DMXL1: variants seen among roughly 807,000 people sequenced by gnomAD.
DMXL1 encodes the protein Dmx like 1.
Under a neutral mutation model 319.2 loss-of-function variants are expected in DMXL1, and 99 were observed. The observed-to-expected ratio is 0.31, with a 90% CI of 0.26 to 0.37. DMXL1 has a LOEUF of 0.37. DMXL1 is among the 10% of genes least tolerant of loss of function. DMXL1 has a pLI of 1.00. For missense variants in DMXL1, 3,745 were observed against 3,595.6 expected, an observed-to-expected ratio of 1.04 and a Z score of -1.06; for synonymous variants, 1,385 against 1,235.2, an observed-to-expected ratio of 1.12 and a Z score of -2.54.
chr5:119,120,382 T>G (rs1761784145), intron 8 of DMXL1, among the ~76,000 whole-genome samples: 1 of 152,260 alleles, frequency 6.6e-6, no homozygotes, highest in African/African-American at 2.4e-5. Flanking sequence ...ACCAGGAATC[T>G]GAAGACTTGT....
chr5:119,079,852 G>C (rs1381255420), intron 1 of DMXL1, among the ~76,000 whole-genome samples: 2 of 152,084 alleles, frequency 1.3e-5, no homozygotes, highest in Admixed American at 6.5e-5. Context: ...CACCCTCTTA[G>C]TCATTCTCAG....
chr5:119,155,164 AAC>A (rs1340754265), intron 19 of DMXL1, among the ~76,000 whole-genome samples: 1 of 152,234 alleles, frequency 6.6e-6, no homozygotes, highest in Non-Finnish European at 1.5e-5. Flanking sequence ...TATGCCTGCT[AAC>A]ACAACATTCA....
At chr5:119,176,129 G>A (rs192181563) in intron 26 of DMXL1, among the ~76,000 whole-genome samples, 2 of 152,078 alleles carry the variant, frequency 1.3e-5, no homozygotes, top group Admixed American at 6.5e-5. Context: ...TATTTAGCAA[G>A]AATTTATATT....
intron 1 of DMXL1, among the ~76,000 whole-genome samples, chr5:119,086,155 G>C (rs1348636313): frequency 2.0e-5 from 3 of 152,196 alleles, no homozygotes; most frequent in African/African-American, 7.2e-5. Context: ...TGGCAAGAGA[G>C]AGAATGAGAG....
rs1773514060 is a variant in DMXL1 at position 119,166,733 on chromosome 5, T to G, written c.5088T>G (p.His1696Gln). The G allele has an allele frequency of 6.2e-7, 1 of 1,612,576 alleles. No individual in the cohort carries two copies. Among genetic ancestry groups the G allele is most frequent in the Admixed American group, 1.7e-5 (1 of 59,738 alleles). Residue 1696 changes from histidine (H) to glutamine (Q), a missense_variant, in exon 22 of 44, where the codon CAT becomes CAG. This residue lies in a region of DMXL1 where 1,382 missense variants were observed against 1,269.5 expected (regional missense o/e 1.09). Transcript: ENST00000539542. ...FSLLGKQRFE[H>Q]SAAFFLLAGC... The stretch of plus-strand genomic sequence containing the variant: ...TGCTAGGCAAACAAAGATTTGAACA[T>G]TCTGCAGCATTTTTTCTTTTAGCTG...
chr5:119,143,452 A>G (rs776293593), intron 13 of DMXL1, among the ~76,000 whole-genome samples: 3 of 152,050 alleles, frequency 2.0e-5, no homozygotes, highest in Non-Finnish European at 2.9e-5. Context: ...TGAATGGCTC[A>G]AGAGATCAGC....
chr5:119,233,403 C>A lies in DMXL1; in HGVS notation c.8402C>A (p.Thr2801Asn). ...GAATGGGGCCATTCTCAACAAATAA[C>A]CTGTTTTCGATCTGGTGGCAATTCA... is the stretch of plus-strand genomic sequence containing the variant. ...MFEWGHSQQI[T>N]CFRSGGNSRV... Residue 2801 changes from threonine (T) to asparagine (N), a missense_variant, in exon 39 of 44, where the codon ACC becomes AAC. Thr to Asn is a moderately conservative substitution (Grantham distance 65). Coordinates refer to ENST00000539542, the MANE Select transcript of DMXL1 (RefSeq NM_001290321.3). 6.2e-7 allele frequency: 1 copy of A among 1,612,688 alleles called. No individual in the cohort carries two copies. The highest frequency in any genetic ancestry group is 8.5e-7 in the Non-Finnish European group (1 of 1,179,058).
chr5:119,224,596 A>G (rs1785202900), intron 37 of DMXL1, 113 bp from the exon 38 acceptor site: 1 of 400,302 alleles, frequency 2.5e-6, no homozygotes. Context: ...CCATAATGAT[A>G]GTTATGAACT....
intron 39 of DMXL1, among the ~76,000 whole-genome samples, chr5:119,235,699 C>T (rs1321219776): frequency 6.6e-6 from 1 of 151,982 alleles, no homozygotes; most frequent in East Asian, 1.9e-4. Flanking sequence ...CTATAAGGTT[C>T]TAAAAAGGAG....
At chr5:119,209,507 GCC>G (rs1782365368) in intron 34 of DMXL1, among the ~76,000 whole-genome samples, 1 of 151,854 alleles carries the variant, frequency 6.6e-6, no homozygotes, top group Non-Finnish European at 1.5e-5. Flanking sequence ...GCATCACCAT[GCC>G]CAGCTCAATT....
At chr5:119,094,393 G>T (rs1755470702) in intron 1 of DMXL1, among the ~76,000 whole-genome samples, 1 of 152,286 alleles carries the variant, frequency 6.6e-6, no homozygotes, top group East Asian at 1.9e-4. Context: ...TATGTATACA[G>T]CACAGTTTAC....
At position 119,170,349 on chromosome 5, in the gene DMXL1, G is replaced by C. The variant is rs752371431; in HGVS notation, c.5558G>C (p.Ser1853Thr). 16 of 1,613,964 alleles carry C rather than the reference G, an allele frequency of 9.9e-6. No individual in the cohort carries two copies. Among genetic ancestry groups the C allele is most frequent in the Non-Finnish European group, 1.4e-5 (16 of 1,179,946 alleles). The change falls in exon 24 of 44, where the codon AGT becomes ACT. Residue 1853 changes from serine (S) to threonine (T), a missense_variant. Physicochemically the swap from Ser to Thr is moderately conservative, Grantham distance 58 (BLOSUM62 1). Transcript: ENST00000539542. ...KSGLAGTINLSERRLFFTTAS... is the reference protein window; with the variant it reads ...KSGLAGTINLTERRLFFTTAS... ...GGACTGGCAGGAACAATTAATTTAA[G>C]TGAAAGACGTTTATTTTTTACCACT... is the stretch of plus-strand genomic sequence containing the variant.
chr5:119,103,095 T>A (rs1302882082), intron 3 of DMXL1, among the ~76,000 whole-genome samples: 8 of 151,478 alleles, frequency 5.3e-5, no homozygotes, highest in Non-Finnish European at 1.0e-4. Flanking sequence ...TTTTTTTTTT[T>A]TAAAAAAAAA....
chr5:119,159,684 G>A (rs1162121034), intron 19 of DMXL1, among the ~76,000 whole-genome samples: 1 of 152,212 alleles, frequency 6.6e-6, no homozygotes, highest in South Asian at 2.1e-4. Flanking sequence ...GAGTGCCGTG[G>A]CGCCTCGCAG....
intron 17 of DMXL1, 69 bp from the exon 18 acceptor site, chr5:119,148,670 C>T (rs142940651): frequency 8.2e-6 from 12 of 1,462,338 alleles, no homozygotes; most frequent in Middle Eastern, 4.0e-4. Flanking sequence ...AGACTAAAAT[C>T]GTAAGTACAT....
intron 7 of DMXL1, among the ~76,000 whole-genome samples, chr5:119,117,580 G>T (rs1021551574): frequency 6.6e-6 from 1 of 152,084 alleles, no homozygotes; most frequent in Admixed American, 6.6e-5. Context: ...ATGCTAGGAA[G>T]GGAGAGGTAG....
In DMXL1 at chr5:119,167,609, C is replaced by T. The variant is rs771153362; in HGVS notation, c.5143C>T (p.Leu1715Phe). ...ACAATATTTTTTTTTAAAGGTATGT[C>T]TTGAGAAATTGAATGACATTCAGTT... ...GCLRDAIEVC[L>F]EKLNDIQLAL... Residue 1715 changes from leucine (L) to phenylalanine (F), a missense_variant, in exon 23 of 44, where the codon CTT becomes TTT. Physicochemically the swap from Leu to Phe is conservative, Grantham distance 22 (BLOSUM62 0). This residue lies in a region of DMXL1 where 1,382 missense variants were observed against 1,269.5 expected (regional missense o/e 1.09). Transcript: ENST00000539542. 1.3e-6 allele frequency: 2 copies of T among 1,587,598 alleles called. No individual in the cohort carries two copies. Among genetic ancestry groups the T allele is most frequent in the South Asian group, 2.3e-5 (2 of 87,308 alleles).
chr5:119,156,718 A>G (rs1771160119), intron 19 of DMXL1, among the ~76,000 whole-genome samples: 1 of 151,782 alleles, frequency 6.6e-6, no homozygotes, highest in South Asian at 2.1e-4. Context: ...ACATTGTCCC[A>G]GAATATTTTT....
Position 119,116,141 on chromosome 5 carries a change from G to GC in DMXL1, c.565-17_565-16insC. On this transcript the variant is annotated splice_polypyrimidine_tract_variant and intron_variant, in intron 6 of 43. Coordinates refer to ENST00000539542, the MANE Select transcript of DMXL1 (RefSeq NM_001290321.3). ...TCTGATCTCCATGATTTTCTGTTTT[G>GC]TTTTTTTTTTCCTTAGGATGACTGT... 7.3e-7 allele frequency: 1 copy of GC among 1,374,036 alleles called. No homozygotes were observed. Among genetic ancestry groups the GC allele is most frequent in the Non-Finnish European group, 9.8e-7 (1 of 1,019,010 alleles). 85.1% of individuals were successfully genotyped at this position (1,374,036 alleles called of 1,614,324 possible).
Sources: gnomAD v4.1 joint callset for allele counts (sites outside exome capture counted in the v4.1 genomes callset) on GRCh38, gnomAD v4.1.1 for gene constraint, gnomAD v4.1.1 regional missense constraint, MANE v1.5 for transcripts, NCBI Gene and HGNC (gene_info 2026-07-23, HGNC 2026-07-21) for gene names.